The following SRGAP3 variants were observed in gnomAD, a reference collection of about 807,000 sequenced individuals.
The protein encoded by SRGAP3 is SLIT-ROBO Rho GTPase-activating protein 3.
In SRGAP3, 39 loss-of-function variants were observed where a neutral mutation model predicts 121.1. That is an observed-to-expected ratio of 0.32 (90% CI 0.25 to 0.42). The LOEUF (loss-of-function observed/expected upper bound fraction) is 0.42. Ranked by LOEUF, SRGAP3 falls within the 10% of genes least tolerant of loss-of-function variation. SRGAP3 has a pLI of 1.00. For missense variants in SRGAP3, 1,213 were observed against 1,470.6 expected (o/e 0.82, Z 2.86); for synonymous variants, 601 against 570.0 (o/e 1.05, Z -0.77).
chr3:9,218,813 C>T lies in SRGAP3; in HGVS notation c.67+30072G>A, dbSNP rs533536691. Among the ~76,000 whole-genome samples, 261 of 152,046 alleles carry T rather than the reference C, an allele frequency of 1.7e-3. No individual in the cohort carries two copies. The highest frequency in any genetic ancestry group is 6.0e-3 in the African/African-American group (251 of 41,512). On this transcript the variant is annotated intron_variant, in intron 1 of 21. Coordinates refer to ENST00000383836, the MANE Select transcript of SRGAP3 (RefSeq NM_014850.4). The surrounding 1 kb of genome is among the most constrained non-coding windows in gnomAD (Gnocchi z 5.3). Reference sequence around the variant, plus strand: ...TCAGCCTCTCTAGTAGCTGGGAATACAGGTGTGAACCACCACACCTGGCTA... The same window carrying T: ...TCAGCCTCTCTAGTAGCTGGGAATATAGGTGTGAACCACCACACCTGGCTA...
At chr3:9,349,072 T>C in intron 1 of SRGAP3, 1 of 951,688 alleles carries the variant, frequency 1.1e-6, no homozygotes, top group Non-Finnish European at 1.7e-6. Context: ...ACCTGCCCAC[T>C]GGTATTCCCG....
At chr3:9,143,082 C>A (rs1949913998) in intron 1 of SRGAP3, among the ~76,000 whole-genome samples, 1 of 152,080 alleles carries the variant, frequency 6.6e-6, no homozygotes, top group Non-Finnish European at 1.5e-5. Flanking sequence ...TCAAGCGATC[C>A]TCCTGCCTCA....
chr3:9,080,179 C>A, intron 3 of SRGAP3, 92 bp from the exon 4 acceptor site: 1 of 1,324,034 alleles, frequency 7.6e-7, no homozygotes, highest in Non-Finnish European at 1.1e-6. Context: ...AGGAATGTTT[C>A]GGGTGGGGTC....
chr3:9,350,195 A>T (rs1256583107), intron 1 of SRGAP3: 1 of 152,256 alleles, frequency 6.6e-6, no homozygotes, highest in Non-Finnish European at 1.5e-5. Flanking sequence ...TGCACAATTT[A>T]ATTCAGTCAA....
At chr3:9,136,132 G>A (rs79148573) in intron 1 of SRGAP3, among the ~76,000 whole-genome samples, 9,230 of 152,270 alleles carry the variant, frequency 0.061, 561 homozygotes, top group East Asian at 0.33. Context: ...CTCTGTGCTG[G>A]TTCCCCTTCC....
chr3:9,061,185 T>C (rs538364448), intron 5 of SRGAP3, among the ~76,000 whole-genome samples: 19 of 152,222 alleles, frequency 1.2e-4, no homozygotes, highest in Admixed American at 3.3e-4. Context: ...TAAGCAGAGA[T>C]TGCACCACTG....
chr3:9,114,905 T>C (rs1438112408), intron 2 of SRGAP3, among the ~76,000 whole-genome samples: 1 of 152,230 alleles, frequency 6.6e-6, no homozygotes, highest in African/African-American at 2.4e-5. Flanking sequence ...GGATGTCTGA[T>C]AGGCATCATC....
At chr3:9,293,750 G>C (rs1359761918) in intron 3 of SRGAP3, among the ~76,000 whole-genome samples, 1 of 152,104 alleles carries the variant, frequency 6.6e-6, no homozygotes, top group African/African-American at 2.4e-5. Context: ...CAGCAGCATT[G>C]ATCATTAGAG....
rs548232557 is a variant in SRGAP3, at chr3:9,121,573, T to A, written c.260+3152A>T. ...GCCTGGGCCGGCACCCTAATTAGAC[T>A]TTCATAGTGCGTCAGGCAGCCTGCA... On this transcript the variant is annotated intron_variant, in intron 2 of 21. Coordinates refer to ENST00000383836, the MANE Select transcript of SRGAP3 (RefSeq NM_014850.4). Among the ~76,000 whole-genome samples, 4 of 152,298 alleles carry A rather than the reference T, an allele frequency of 2.6e-5. No homozygotes were observed. In the East Asian group the frequency reaches 5.8e-4, roughly 22 times the overall value.
intron 15 of SRGAP3, 175 bp from the exon 16 acceptor site, chr3:9,014,017 G>T: frequency 1.5e-6 from 1 of 682,904 alleles, no homozygotes; most frequent in Non-Finnish European, 2.7e-6. Flanking sequence ...CATCTCCCTA[G>T]CTACAGGGAG....
At chr3:9,015,514 T>C (rs1174401321) in intron 15 of SRGAP3, 83 bp downstream of exon 15, 1 of 1,574,194 alleles carries the variant, frequency 6.4e-7, no homozygotes, top group South Asian at 1.1e-5. Flanking sequence ...CCCTCCTCTA[T>C]GCCTAGCACA....
chr3:9,054,432 C>T (rs777632509), intron 8 of SRGAP3, among the ~76,000 whole-genome samples: 1 of 152,236 alleles, frequency 6.6e-6, no homozygotes, highest in Admixed American at 6.5e-5. Context: ...ACTCTTTCAA[C>T]CAACTGTCAA....
chr3:9,099,539 A>T (rs417928), intron 3 of SRGAP3, among the ~76,000 whole-genome samples: 1 of 152,048 alleles, frequency 6.6e-6, no homozygotes, highest in Non-Finnish European at 1.5e-5. Context: ...AGCACATGGG[A>T]TAGTGGCTTT....
intron 3 of SRGAP3, among the ~76,000 whole-genome samples, chr3:9,318,359 C>T (rs1016266953): frequency 6.6e-6 from 1 of 151,846 alleles, no homozygotes; most frequent in Non-Finnish European, 1.5e-5. Context: ...GGGCTCCACA[C>T]AGAAAGCAGG....
At chr3:9,082,959 ATT>A (rs1301183399) in intron 3 of SRGAP3, among the ~76,000 whole-genome samples, 2 of 152,148 alleles carry the variant, frequency 1.3e-5, no homozygotes. Context: ...CCAGAGACCT[ATT>A]TACACCTCCC....
chr3:9,136,685 A>G (rs1229987216), intron 1 of SRGAP3, among the ~76,000 whole-genome samples: 2 of 152,168 alleles, frequency 1.3e-5, no homozygotes, highest in African/African-American at 4.8e-5. Flanking sequence ...ACAGATGAGG[A>G]AATTGAGGCC....
chr3:9,046,387 T>C (rs1945280117), intron 10 of SRGAP3, among the ~76,000 whole-genome samples: 1 of 152,228 alleles, frequency 6.6e-6, no homozygotes, highest in African/African-American at 2.4e-5. Flanking sequence ...GCAAAGGCCC[T>C]GGGGCAGGAA....
At chr3:9,299,051 CAA>C (rs71049787) in intron 3 of SRGAP3, among the ~76,000 whole-genome samples, 21 of 70,372 alleles carry the variant, frequency 3.0e-4, no homozygotes, top group Admixed American at 1.1e-3. Context: ...GACTCCATCT[CAA>C]AAAAAAAAAA....
chr3:9,224,019 G>A (rs1215355484), intron 1 of SRGAP3, among the ~76,000 whole-genome samples: 1 of 152,092 alleles, frequency 6.6e-6, no homozygotes, highest in Non-Finnish European at 1.5e-5. Flanking sequence ...CATTTCACAA[G>A]CCACGGGGCT....
Sources: allele counts gnomAD v4.1 joint callset (sites outside exome capture counted in the v4.1 genomes callset), GRCh38; gene constraint gnomAD v4.1.1; non-coding constraint Gnocchi (gnomAD v3.1); transcripts MANE v1.5; gene names NCBI Gene and HGNC (gene_info 2026-07-23, HGNC 2026-07-21).